ARHGEF10L: variants seen among roughly 807,000 people sequenced by gnomAD.
The protein encoded by ARHGEF10L is Rho guanine nucleotide exchange factor 10 like, also known as rho guanine nucleotide exchange factor 10-like protein.
A neutral mutation model predicts 141.2 loss-of-function variants in ARHGEF10L; 69 were observed. The ratio of observed to expected loss-of-function variants is 0.49; its 90% CI spans 0.40 to 0.60. The LOEUF (loss-of-function observed/expected upper bound fraction) is 0.60, where lower values mean the gene tolerates loss of function less well. Ranked by LOEUF, ARHGEF10L falls within the 20% of genes least tolerant of loss-of-function variation. The pLI is 0.00. For missense variants in ARHGEF10L, 1,482 were observed against 1,734.3 expected (o/e 0.85, Z 2.58); for synonymous variants, 711 against 718.5 (o/e 0.99, Z 0.17).
At chr1:17,599,799 C>G (rs1200841447) in intron 4 of ARHGEF10L, among the ~76,000 whole-genome samples, 2 of 152,214 alleles carry the variant, frequency 1.3e-5, no homozygotes, top group Non-Finnish European at 2.9e-5. Context: ...ACTTGCTCCT[C>G]TAATAGGGCA....
At chr1:17,546,736 A>T (rs142324939) in intron 1 of ARHGEF10L, among the ~76,000 whole-genome samples, 2 of 152,264 alleles carry the variant, frequency 1.3e-5, no homozygotes, top group Non-Finnish European at 2.9e-5. Flanking sequence ...CAGTCTGGTC[A>T]TAGCTGGGTT....
intron 1 of ARHGEF10L, among the ~76,000 whole-genome samples, chr1:17,551,466 C>A (rs1224563638): frequency 6.6e-6 from 1 of 152,124 alleles, no homozygotes; most frequent in South Asian, 2.1e-4. Context: ...AATAGCAGGG[C>A]CATGTCAGGG....
chr1:17,552,994 A>G (rs1405900180), intron 1 of ARHGEF10L, among the ~76,000 whole-genome samples: 1 of 152,066 alleles, frequency 6.6e-6, no homozygotes, highest in Admixed American at 6.5e-5. Flanking sequence ...TGCCCACTTG[A>G]CTTTGGGACA....
In ARHGEF10L at chr1:17,556,270, G is replaced by C. The variant is rs1474165349; in HGVS notation, c.-44+16320G>C. On this transcript the variant is annotated intron_variant, in intron 1 of 28. Coordinates refer to ENST00000361221, the MANE Select transcript of ARHGEF10L (RefSeq NM_018125.4). ...ATAGAGGTGGGCCTGGGAGCATGGCGGCGGGGGGGGGGCCTGGGAGCACAG... is the reference window on the plus strand; with the variant it reads ...ATAGAGGTGGGCCTGGGAGCATGGCCGCGGGGGGGGGGCCTGGGAGCACAG... Among the ~76,000 whole-genome samples, 99 of 75,616 alleles carry C rather than the reference G, an allele frequency of 1.3e-3. 1 individual carries two copies. The highest frequency in any genetic ancestry group is 6.6e-3 in the African/African-American group (96 of 14,602). 49.6% of individuals were successfully genotyped at this position (75,616 alleles called of 152,430 possible). A position where few individuals can be genotyped will look rare whatever the true frequency, so the allele number is the denominator to read the frequency against.
At chr1:17,523,246 G>A in the ARHGEF10L span, among the ~76,000 whole-genome samples, 7 of 151,798 alleles carry the variant, frequency 4.6e-5, no homozygotes, top group South Asian at 2.1e-4. Context: ...CCACCACCAC[G>A]CCCAGCTAAT....
At chr1:17,667,235 A>G (rs12132599) in intron 26 of ARHGEF10L, among the ~76,000 whole-genome samples, 4,161 of 152,288 alleles carry the variant, frequency 0.027, 89 homozygotes, top group Non-Finnish European at 0.041. Flanking sequence ...GGGGTCTCCA[A>G]TCTGCTGGGG....
chr1:17,630,611 C>G (rs1233357545), intron 15 of ARHGEF10L, among the ~76,000 whole-genome samples: 1 of 152,238 alleles, frequency 6.6e-6, no homozygotes, highest in African/African-American at 2.4e-5. Flanking sequence ...GAATGGTGAA[C>G]GTGGCCTGGC....
intron 1 of ARHGEF10L, among the ~76,000 whole-genome samples, chr1:17,554,371 T>C (rs1171002916): frequency 6.6e-6 from 1 of 151,984 alleles, no homozygotes; most frequent in African/African-American, 2.4e-5. Context: ...AGGATGCGGC[T>C]GGCAGGGAGG....
At chr1:17,522,062 G>C in the ARHGEF10L span, among the ~76,000 whole-genome samples, 1 of 152,188 alleles carries the variant, frequency 6.6e-6, no homozygotes, top group African/African-American at 2.4e-5. Context: ...GTTGAAAGCC[G>C]TGGCCCAGGA....
At position 17,621,511 on chromosome 1, in the gene ARHGEF10L, G is replaced by A. The variant is rs1329509199; in HGVS notation, c.943-353G>A. The stretch of plus-strand genomic sequence containing the variant: ...GCCTCCCAAAGTGCTGGGATTACAA[G>A]CATGAGCCACCTTGCCTGGCCTAGG... On this transcript the variant is annotated intron_variant, in intron 10 of 28. Coordinates refer to ENST00000361221, the MANE Select transcript of ARHGEF10L (RefSeq NM_018125.4). The surrounding 1 kb of genome is among the most constrained non-coding windows in gnomAD (Gnocchi z 4.1). Among the ~76,000 whole-genome samples the A allele has an allele frequency of 2.0e-5, 3 of 152,198 alleles. No individual in the cohort carries two copies. Among genetic ancestry groups the A allele is most frequent in the African/African-American group, 7.2e-5 (3 of 41,446 alleles).
Position 17,687,733 on chromosome 1 carries a change from C to A in ARHGEF10L, c.3170C>A (p.Thr1057Asn). 1.3e-6 allele frequency: 2 copies of A among 1,584,102 alleles called. No homozygotes were observed. Among genetic ancestry groups the A allele is most frequent in the Non-Finnish European group, 1.7e-6 (2 of 1,163,558 alleles). Residue 1057 changes from threonine to asparagine, a missense_variant, in exon 27 of 29, where the codon ACC becomes AAC. Physicochemically the swap from Thr to Asn is moderately conservative, Grantham distance 65. Transcript: ENST00000361221. ...GAGATCAACATCGCCACCAGGACCA[C>A]CTTCCTCCTGCCAGGTGAGGCTGCC... ...LQEINIATRT[T>N]FLLPGQKHLC...
chr1:17,551,059 G>A (rs1329567510), intron 1 of ARHGEF10L, among the ~76,000 whole-genome samples: 2 of 152,044 alleles, frequency 1.3e-5, no homozygotes, highest in Non-Finnish European at 2.9e-5. Flanking sequence ...GCACGACTGT[G>A]TAGGGAGTGA....
At chr1:17,578,136 A>T (rs2078297496) in intron 1 of ARHGEF10L, among the ~76,000 whole-genome samples, 1 of 152,136 alleles carries the variant, frequency 6.6e-6, no homozygotes, top group African/African-American at 2.4e-5. Context: ...CTTCTGTAAA[A>T]TGGGTATAGG....
intron 1 of ARHGEF10L, among the ~76,000 whole-genome samples, chr1:17,541,563 G>C (rs1386191664): frequency 2.0e-5 from 3 of 152,228 alleles, no homozygotes; most frequent in African/African-American, 7.2e-5. Context: ...GGGTGTGGTG[G>C]CTCACCCTTG....
At chr1:17,677,970 G>A (rs1236422807) in intron 26 of ARHGEF10L, among the ~76,000 whole-genome samples, 6 of 152,268 alleles carry the variant, frequency 3.9e-5, no homozygotes, top group African/African-American at 4.8e-5. Flanking sequence ...CTAGAGGCTC[G>A]GTGGTCCCTC....
chr1:17,682,804 C>T (rs1248980571), intron 26 of ARHGEF10L, among the ~76,000 whole-genome samples: 2 of 152,076 alleles, frequency 1.3e-5, no homozygotes, highest in Non-Finnish European at 2.9e-5. Flanking sequence ...TAGGACAGCC[C>T]CTGACCCCAC....
intron 15 of ARHGEF10L, among the ~76,000 whole-genome samples, chr1:17,629,854 G>T (rs2060583863): frequency 6.6e-6 from 1 of 152,196 alleles, no homozygotes; most frequent in Admixed American, 6.5e-5. Context: ...GCTTTCTCTT[G>T]CTTTGCCTCA....
At chr1:17,634,517 A>G (rs1331826084) in intron 16 of ARHGEF10L, 31 bp from the exon 17 acceptor site, 1 of 1,613,506 alleles carries the variant, frequency 6.2e-7, no homozygotes, top group East Asian at 2.2e-5. Flanking sequence ...TGTAATAACA[A>G]TCTCCCTTTC....
At position 17,664,500 on chromosome 1, in the gene ARHGEF10L, G is replaced by A. The variant is rs769555717; in HGVS notation, c.2914G>A (p.Gly972Arg). Reference sequence around the variant, plus strand: ...TCCCGTGTGCCTGACTGTGGGGCCCGGGCCTGTCCGCACCCTGTTGAGCCT... The same window carrying A: ...TCCCGTGTGCCTGACTGTGGGGCCCAGGCCTGTCCGCACCCTGTTGAGCCT... ...SPPVCLTVGP[G>R]PVRTLLSLED... The change falls in exon 26 of 29, where the codon GGG (glycine) becomes AGG (arginine). Residue 972 changes from glycine to arginine, a missense_variant. Physicochemically the swap from Gly to Arg is moderately radical, Grantham distance 125. This residue lies in a region of ARHGEF10L where 858 missense variants were observed against 966.3 expected (regional missense o/e 0.89). Transcript: ENST00000361221. The A allele has an allele frequency of 1.7e-5, 27 of 1,607,762 alleles. No individual in the cohort carries two copies. Among genetic ancestry groups the A allele is most frequent in the Middle Eastern group, 1.6e-4 (1 of 6,078 alleles).
Sources: allele counts gnomAD v4.1 joint callset (sites outside exome capture counted in the v4.1 genomes callset), GRCh38; gene constraint gnomAD v4.1.1; regional missense constraint gnomAD v4.1.1; non-coding constraint Gnocchi (gnomAD v3.1); transcripts MANE v1.5; gene names NCBI Gene and HGNC (gene_info 2026-07-23, HGNC 2026-07-21).